The following CCNH variants were observed in gnomAD, a reference collection of about 807,000 sequenced individuals.
CCNH encodes the protein cyclin-H.
In CCNH, 31 loss-of-function variants were observed where a neutral mutation model predicts 41.9. The observed-to-expected ratio is 0.74, with a 90% CI of 0.56 to 1.00. The LOEUF (loss-of-function observed/expected upper bound fraction) is 1.00. CCNH is among the 50% of genes least tolerant of loss of function. CCNH has a pLI of 0.00. For missense variants in CCNH, 362 were observed against 388.4 expected, an observed-to-expected ratio of 0.93 and a Z score of 0.57; for synonymous variants, 138 against 136.1, an observed-to-expected ratio of 1.01 and a Z score of -0.10.
At chr5:87,353,334 C>G in intron 9 of CCNH, 1 of 907,016 alleles carries the variant, frequency 1.1e-6, no homozygotes, top group Non-Finnish European at 1.8e-6. Flanking sequence ...AAATTGGATA[C>G]AACTTAAAAC....
intron 9 of CCNH, among the ~76,000 whole-genome samples, chr5:87,336,560 A>AT (rs1364960274): frequency 6.6e-6 from 1 of 152,114 alleles, no homozygotes; most frequent in Non-Finnish European, 1.5e-5. Flanking sequence ...ATAATATAGA[A>AT]TGAGTTATGA....
At chr5:87,367,271 A>C (rs538708934) in intron 9 of CCNH, among the ~76,000 whole-genome samples, 1 of 152,330 alleles carries the variant, frequency 6.6e-6, no homozygotes, top group South Asian at 2.1e-4. Context: ...ATAGGATGCA[A>C]ATACCAGAGG....
chr5:87,340,561 T>G (rs1758358848), intron 9 of CCNH, among the ~76,000 whole-genome samples: 1 of 152,024 alleles, frequency 6.6e-6, no homozygotes, highest in Non-Finnish European at 1.5e-5. Context: ...TCCATAATAG[T>G]GGAATGAGTA....
intron 5 of CCNH, 131 bp downstream of exon 5, chr5:87,404,713 G>A: frequency 1.5e-6 from 1 of 683,858 alleles, no homozygotes; most frequent in Non-Finnish European, 2.4e-6. Context: ...TTCCTCAAAA[G>A]GCAATTTCAT....
chr5:87,377,995 T>C (rs1375654504), upstream of CCNH, among the ~76,000 whole-genome samples: 2 of 152,228 alleles, frequency 1.3e-5, no homozygotes, highest in Non-Finnish European at 2.9e-5. Flanking sequence ...AATTAATCTA[T>C]ACTGGGATTT....
chr5:87,358,966 A>G (rs1400924525), intron 9 of CCNH, among the ~76,000 whole-genome samples: 1 of 152,116 alleles, frequency 6.6e-6, no homozygotes, highest in African/African-American at 2.4e-5. Context: ...TTACCTAGAC[A>G]CCTTAATTAA....
intron 9 of CCNH, among the ~76,000 whole-genome samples, chr5:87,322,869 C>T (rs1199355478): frequency 2.6e-5 from 4 of 152,130 alleles, no homozygotes; most frequent in Non-Finnish European, 2.9e-5. Flanking sequence ...AATTCCAGGT[C>T]TGGACACTAG....
chr5:87,374,731 T>A, downstream of CCNH: 1 of 1,468,902 alleles, frequency 6.8e-7, no homozygotes, highest in Non-Finnish European at 9.2e-7. Context: ...AGCACACTGT[T>A]TTTTTTTTTA....
chr5:87,391,116 A>G, downstream of CCNH: 1 of 614,736 alleles, frequency 1.6e-6, no homozygotes, highest in African/African-American at 1.8e-5. Context: ...AATCTTTAAC[A>G]ACCTCTGAGC....
At chr5:87,363,264 A>C in intron 9 of CCNH, 2 of 1,240,064 alleles carry the variant, frequency 1.6e-6, no homozygotes, top group Non-Finnish European at 2.3e-6. Context: ...TGATTGATTC[A>C]TATTTTTAGA....
intron 2 of CCNH, among the ~76,000 whole-genome samples, chr5:87,409,667 A>G (rs904733228): frequency 7.4e-6 from 1 of 135,518 alleles, no homozygotes; most frequent in Admixed American, 7.3e-5. Context: ...TGTGTGTATT[A>G]GAAATCAGAC....
At chr5:87,330,602 G>A (rs924184185) in intron 9 of CCNH, among the ~76,000 whole-genome samples, 12 of 152,222 alleles carry the variant, frequency 7.9e-5, no homozygotes, top group Middle Eastern at 3.4e-3. Flanking sequence ...AGTCCATGAG[G>A]CTTTTATAGG....
intron 9 of CCNH, among the ~76,000 whole-genome samples, chr5:87,329,168 G>C (rs748791847): frequency 6.6e-6 from 1 of 151,916 alleles, no homozygotes; most frequent in Non-Finnish European, 1.5e-5. Context: ...AAATCGACTC[G>C]GTGTGGTGGC....
intron 9 of CCNH, among the ~76,000 whole-genome samples, chr5:87,383,533 C>G (rs879662466): frequency 6.6e-6 from 1 of 151,970 alleles, no homozygotes; most frequent in Non-Finnish European, 1.5e-5. Context: ...TCTTAAAATA[C>G]GATGCTTTGG....
upstream of CCNH, chr5:87,379,751 T>C (rs1445029428): frequency 6.2e-7 from 1 of 1,612,260 alleles, no homozygotes; most frequent in Admixed American, 1.7e-5. Context: ...CCATCAAAGT[T>C]AGAAAAAAAT....
At chr5:87,370,007 T>C in intron 9 of CCNH, 1 of 927,434 alleles carries the variant, frequency 1.1e-6, no homozygotes, top group Non-Finnish European at 1.7e-6. Flanking sequence ...ACAGAACGCC[T>C]GAAATCTAAT....
upstream of CCNH, among the ~76,000 whole-genome samples, chr5:87,380,237 A>G (rs1761615475): frequency 6.6e-6 from 1 of 152,164 alleles, no homozygotes; most frequent in African/African-American, 2.4e-5. Flanking sequence ...ACTTAAGTCT[A>G]AATCTTGCTC....
intron 9 of CCNH, chr5:87,363,608 T>A: frequency 7.7e-7 from 1 of 1,300,520 alleles, no homozygotes; most frequent in Non-Finnish European, 1.1e-6. Flanking sequence ...CTTCTAAAAG[T>A]AGCAGATGCA....
intron 9 of CCNH, among the ~76,000 whole-genome samples, chr5:87,356,745 T>G (rs1228935673): frequency 6.6e-6 from 1 of 151,274 alleles, no homozygotes; most frequent in Non-Finnish European, 1.5e-5. Flanking sequence ...ATTACACACT[T>G]AGTAGACTAC....
Sources: allele counts gnomAD v4.1 joint callset (sites outside exome capture counted in the v4.1 genomes callset), GRCh38; gene constraint gnomAD v4.1.1; transcripts MANE v1.5; gene names NCBI Gene and HGNC (gene_info 2026-07-23, HGNC 2026-07-21).